DYM: variants seen among roughly 807,000 people sequenced by gnomAD.
The protein encoded by DYM is dyggve-Melchior-Clausen syndrome protein.
DYM carries 78 observed loss-of-function variants against 93.1 expected under a neutral mutation model. That is an observed-to-expected ratio of 0.84 (90% CI 0.70 to 1.01). The LOEUF is 1.01. Among genes scored for constraint, DYM ranks in the 50% least tolerant of loss-of-function variants. The pLI is 0.00. For synonymous variants in DYM, 321 were observed against 319.7 expected (o/e 1.00, Z -0.04); for missense variants, 789 against 845.0 (o/e 0.93, Z 0.82).
chr18:49,351,533 A>T (rs1437081249), intron 6 of DYM, among the ~76,000 whole-genome samples: 1 of 152,066 alleles, frequency 6.6e-6, no homozygotes, highest in African/African-American at 2.4e-5. Context: ...ACATCACCAT[A>T]TTTCAGAATT....
intron 2 of DYM, among the ~76,000 whole-genome samples, chr18:49,406,868 T>TA (rs2071556092): frequency 1.3e-5 from 2 of 152,322 alleles, no homozygotes; most frequent in East Asian, 3.9e-4. Flanking sequence ...AATGAAAACT[T>TA]ATGTTCACTC....
intron 17 of DYM, among the ~76,000 whole-genome samples, chr18:49,047,753 A>G (rs1437266563): frequency 2.0e-5 from 3 of 152,136 alleles, no homozygotes; most frequent in African/African-American, 7.2e-5. Context: ...CTTAGAGGGA[A>G]GTCTTTGTCA....
At chr18:49,073,081 ATAAGAG>A (rs1377871398) in intron 17 of DYM, among the ~76,000 whole-genome samples, 2 of 152,260 alleles carry the variant, frequency 1.3e-5, no homozygotes, top group Admixed American at 6.5e-5. Flanking sequence ...ACGTGGATAA[ATAAGAG>A]TAAAACATAG....
At chr18:49,273,506 A>G (rs1599042114) in intron 10 of DYM, among the ~76,000 whole-genome samples, 2 of 152,166 alleles carry the variant, frequency 1.3e-5, no homozygotes, top group South Asian at 2.1e-4. Flanking sequence ...GACCACATAT[A>G]TAACAGTCTG....
At chr18:49,111,556 G>T (rs2081394412) in intron 16 of DYM, among the ~76,000 whole-genome samples, 1 of 152,166 alleles carries the variant, frequency 6.6e-6, no homozygotes, top group Non-Finnish European at 1.5e-5. Flanking sequence ...TCACTCAGAA[G>T]GTGAGCTAAA....
chr18:49,175,090 C>T (rs190662017), intron 14 of DYM, among the ~76,000 whole-genome samples: 10 of 152,080 alleles, frequency 6.6e-5, no homozygotes, highest in East Asian at 3.8e-4. Flanking sequence ...CTTCAATATG[C>T]GGCTTCATAG....
intron 8 of DYM, among the ~76,000 whole-genome samples, chr18:49,324,600 AG>A (rs1207895401): frequency 2.6e-5 from 4 of 152,206 alleles, no homozygotes; most frequent in Non-Finnish European, 5.9e-5. Context: ...CACTTTTGTC[AG>A]TTTTTCAAAA....
chr18:49,090,464 C>T (rs80226459), intron 17 of DYM, among the ~76,000 whole-genome samples: 3,686 of 152,270 alleles, frequency 0.024, 46 homozygotes, highest in South Asian at 0.063. Flanking sequence ...AGTCAAATGA[C>T]GTCATTTGTA....
chr18:49,167,285 T>C (rs561422130), intron 14 of DYM, among the ~76,000 whole-genome samples: 6 of 152,162 alleles, frequency 3.9e-5, no homozygotes, highest in South Asian at 2.1e-4. Flanking sequence ...ACATGAGATA[T>C]TTTGGTTGAG....
chr18:49,275,127 C>T (rs528306), intron 10 of DYM, among the ~76,000 whole-genome samples: 34,176 of 151,902 alleles, frequency 0.22, 3,956 homozygotes, highest in African/African-American at 0.25. Context: ...GGTCTTTGAC[C>T]CATTTTGAAT....
At position 49,156,732 on chromosome 18, in the gene DYM, CAAA is replaced by C. The variant is rs1224742522; in HGVS notation, c.1728+6950_1728+6952del. Reference sequence around the variant, plus strand: ...GGGCGACAGAGTGAAAACGCTGTCTCAAAAAAAAAAAAAAAAAAAAAAAGTGTG... The same window carrying C: ...GGGCGACAGAGTGAAAACGCTGTCTCAAAAAAAAAAAAAAAAAAAAGTGTG... On this transcript the variant is annotated intron_variant, in intron 15 of 17. Transcript: ENST00000675505. 2.6e-3 allele frequency among the ~76,000 whole-genome samples: 165 copies of C among 63,200 alleles called. 1 individual carries two copies. Among genetic ancestry groups the C allele is most frequent in the Middle Eastern group, 9.1e-3 (1 of 110 alleles). 41.5% of individuals were successfully genotyped at this position (63,200 alleles called of 152,430 possible).
intron 15 of DYM, among the ~76,000 whole-genome samples, chr18:49,127,280 T>G (rs751840103): frequency 8.5e-5 from 13 of 152,194 alleles, no homozygotes; most frequent in Non-Finnish European, 1.8e-4. Flanking sequence ...ATACATCAAA[T>G]ATGTTGGGAA....
intron 13 of DYM, among the ~76,000 whole-genome samples, chr18:49,221,740 A>G (rs1046596097): frequency 2.0e-5 from 3 of 151,742 alleles, no homozygotes; most frequent in African/African-American, 7.3e-5. Flanking sequence ...GGAACATCAC[A>G]CTCTGGGGAC....
chr18:49,078,201 T>C (rs557221011), intron 17 of DYM, among the ~76,000 whole-genome samples: 281 of 152,286 alleles, frequency 1.8e-3, no homozygotes, highest in African/African-American at 6.4e-3. Flanking sequence ...AGGGTGACCA[T>C]AGTCAGTAAA....
chr18:49,448,558 C>A (rs1019221923), intron 1 of DYM, among the ~76,000 whole-genome samples: 2 of 152,178 alleles, frequency 1.3e-5, no homozygotes, highest in Admixed American at 6.5e-5. Flanking sequence ...TGACTTAGTT[C>A]CTCTGGTTCC....
intron 10 of DYM, among the ~76,000 whole-genome samples, chr18:49,281,150 A>G (rs1438154262): frequency 2.0e-5 from 3 of 152,266 alleles, no homozygotes; most frequent in Admixed American, 6.5e-5. Context: ...AAGGATATGA[A>G]CAGACACTTC....
intron 2 of DYM, among the ~76,000 whole-genome samples, chr18:49,416,855 C>T (rs2073046823): frequency 1.3e-5 from 2 of 152,154 alleles, no homozygotes; most frequent in African/African-American, 4.8e-5. Context: ...AACAAGTGTG[C>T]CAAAAATAGG....
rs754725278 is a variant in DYM at position 49,281,965 on chromosome 18, C to G, written c.1125+32G>C. On this transcript the variant is annotated intron_variant, in intron 10 of 17. Transcript: ENST00000675505. Reference sequence around the variant, plus strand: ...CTTAAAGTATAATTAAAAAAAAATACAAACGCATGGAATGTTTAGTATGAT... The same window carrying G: ...CTTAAAGTATAATTAAAAAAAAATAGAAACGCATGGAATGTTTAGTATGAT... 4.9e-5 allele frequency: 79 copies of G among 1,599,270 alleles called. No homozygotes were observed. The Middle Eastern group carries it at 1.2e-3, about 24-fold the overall frequency.
chr18:49,212,160 CAAAG>C (rs139921807), intron 13 of DYM, among the ~76,000 whole-genome samples: 4,544 of 151,900 alleles, frequency 0.03, 124 homozygotes, highest in Non-Finnish European at 0.043. Flanking sequence ...CCATAAAAGA[CAAAG>C]AAAGACTGAG....
Sources: gnomAD v4.1 joint callset for allele counts (sites outside exome capture counted in the v4.1 genomes callset) on GRCh38, gnomAD v4.1.1 for gene constraint, MANE v1.5 for transcripts, NCBI Gene and HGNC (gene_info 2026-07-23, HGNC 2026-07-21) for gene names.